ATP2B3: variants seen among roughly 807,000 people sequenced by gnomAD.
ATP2B3 encodes ATPase plasma membrane Ca2+ transporting 3, also known as plasma membrane calcium-transporting ATPase 3.
In ATP2B3, 12 loss-of-function variants were observed where a neutral mutation model predicts 70.8. The ratio of observed to expected loss-of-function variants is 0.17; its 90% CI spans 0.11 to 0.27. ATP2B3 has a LOEUF of 0.27. ATP2B3 is among the 10% of genes least tolerant of loss of function. The pLI is 1.00. For missense variants in ATP2B3, 858 were observed against 1,118.5 expected (o/e 0.77, Z 3.32); for synonymous variants, 460 against 497.8 (o/e 0.92, Z 1.01).
intron 19 of ATP2B3, 40 bp from the exon 20 acceptor site, chrX:153,562,095 C>A (rs782046076): frequency 1.7e-6 from 2 of 1,164,543 alleles, no homozygotes; most frequent in Admixed American, 4.3e-5. Context: ...GGCTCAGGAG[C>A]CGCGGCTGGA....
At chrX:153,537,155 A>C (rs1286912535) in intron 3 of ATP2B3, among the ~76,000 whole-genome samples, 2 of 113,332 alleles carry the variant, frequency 1.8e-5, no homozygotes, top group Non-Finnish European at 3.7e-5. Flanking sequence ...TGTGGGAGGC[A>C]ATGTTCCACC....
At chrX:153,542,560 T>C in intron 6 of ATP2B3, 112 bp downstream of exon 6, 1 of 1,012,185 alleles carries the variant, frequency 9.9e-7, no homozygotes, top group Non-Finnish European at 1.3e-6. Context: ...ACCAGGGCCT[T>C]CCAGCATAAC....
In ATP2B3 at chrX:153,562,180, C is replaced by T; in HGVS notation, c.3097C>T (p.Leu1033=). ...CGGGAAGCCCTTCAGCTGCTCCCCA[C>T]TATCCACAGAACAGTGGCTCTGGTG... The part of the protein sequence containing the change: ...FGGKPFSCSP[L]STEQWLWCLF... Residue 1033 remains leucine (L), a synonymous_variant, in exon 20 of 22, where the codon CTA becomes TTA. Transcript: ENST00000263519. 1.6e-6 allele frequency: 2 copies of T among 1,212,382 alleles called. No individual in the cohort carries two copies. Among genetic ancestry groups the T allele is most frequent in the Non-Finnish European group, 2.2e-6 (2 of 895,605 alleles).
intron 21 of ATP2B3, chrX:153,569,851 C>G: frequency 1.0e-6 from 1 of 1,003,404 alleles, no homozygotes; most frequent in Admixed American, 2.4e-5. Context: ...GTCTTGCATT[C>G]CGCTCACCGT....
Position 153,580,404 on chromosome X carries a change from C to A in ATP2B3, c.*106C>A. On this transcript the variant is annotated 3_prime_UTR_variant, in exon 22 of 22. Coordinates refer to ENST00000263519, the MANE Select transcript of ATP2B3 (RefSeq NM_001001344.3). Reference sequence around the variant, plus strand: ...TATGGGGACCTGCACACCTGCAAAACGAGGGAACAACTAAGGTGGCTGAAG... The same window carrying A: ...TATGGGGACCTGCACACCTGCAAAAAGAGGGAACAACTAAGGTGGCTGAAG... 1 of 838,443 alleles carries A rather than the reference C, an allele frequency of 1.2e-6. No individual in the cohort carries two copies. The highest frequency in any genetic ancestry group is 1.7e-6 in the Non-Finnish European group (1 of 603,881). 69.1% of individuals were successfully genotyped at this position (838,443 alleles called of 1,213,427 possible). A position where few individuals can be genotyped will look rare whatever the true frequency, so the allele number is the denominator to read the frequency against.
At chrX:153,552,392 C>T (rs2090470508) in intron 12 of ATP2B3, among the ~76,000 whole-genome samples, 1 of 112,305 alleles carries the variant, frequency 8.9e-6, no homozygotes, top group Non-Finnish European at 1.9e-5. Context: ...CTCACAGCCC[C>T]ACTGGCTTCT....
intron 3 of ATP2B3, among the ~76,000 whole-genome samples, chrX:153,539,201 C>G (rs1300269478): frequency 1.8e-5 from 2 of 112,634 alleles, no homozygotes; most frequent in African/African-American, 6.4e-5. Flanking sequence ...GAGGTGCACA[C>G]CCCTCAGTTG....
chrX:153,550,761 G>A (rs2285038), intron 12 of ATP2B3, among the ~76,000 whole-genome samples: 50,497 of 110,359 alleles, frequency 0.46, 9,195 homozygotes, highest in South Asian at 0.65. Flanking sequence ...CACGCCCAGC[G>A]AATTTTCAAA....
chrX:153,555,602 C>T (rs1404164597), intron 13 of ATP2B3, among the ~76,000 whole-genome samples: 3 of 111,980 alleles, frequency 2.7e-5, no homozygotes, highest in Non-Finnish European at 5.6e-5. Context: ...ACAATGCCAC[C>T]ACCTCCCGGC....
At chrX:153,575,023 C>T in intron 21 of ATP2B3, 1 of 254,124 alleles carries the variant, frequency 3.9e-6, no homozygotes, top group East Asian at 1.1e-4. Context: ...CTGCCCGGGA[C>T]AGCCTCTCTA....
At chrX:153,554,458 G>C (rs1398749433) in intron 13 of ATP2B3, among the ~76,000 whole-genome samples, 2 of 113,022 alleles carry the variant, frequency 1.8e-5, no homozygotes, top group Non-Finnish European at 3.8e-5. Context: ...CTCCTTTCCA[G>C]CTTAAGAGTG....
chrX:153,536,578 C>A, intron 3 of ATP2B3, 123 bp downstream of exon 3: 3 of 782,859 alleles, frequency 3.8e-6, no homozygotes, highest in Non-Finnish European at 5.6e-6. Flanking sequence ...CTCCTCTCAG[C>A]CATTTCCCTT....
At chrX:153,557,470 C>T (rs1314262001) in intron 16 of ATP2B3, among the ~76,000 whole-genome samples, 1 of 112,396 alleles carries the variant, frequency 8.9e-6, no homozygotes, top group Non-Finnish European at 1.9e-5. Flanking sequence ...TCAGTGGCCC[C>T]ACAGCCACTG....
chrX:153,562,275 G>A, intron 20 of ATP2B3, 33 bp downstream of exon 20: 1 of 1,159,932 alleles, frequency 8.6e-7, no homozygotes, highest in Non-Finnish European at 1.2e-6. Context: ...ATTTCAGACT[G>A]CCCTGCAGAC....
rs782674402 is a variant in ATP2B3, at chrX:153,553,054, A to T, written c.1843A>T (p.Ser615Cys). ...LLKKCTNILN[S>C]NGELRGFRPR... The stretch of plus-strand genomic sequence containing the variant: ...GCCTAGGTGCACCAACATCTTGAAC[A>T]GCAATGGCGAACTCCGGGGCTTTCG... The change falls in exon 13 of 22, where the codon AGC becomes TGC. Residue 615 changes from serine (S) to cysteine (C), a missense_variant. Coordinates refer to ENST00000263519, the MANE Select transcript of ATP2B3 (RefSeq NM_001001344.3). 1 of 1,206,716 alleles carries T rather than the reference A, an allele frequency of 8.3e-7. No individual in the cohort carries two copies. Among genetic ancestry groups the T allele is most frequent in the South Asian group, 1.8e-5 (1 of 56,786 alleles).
At position 153,553,195 on chromosome X, in the gene ATP2B3, G is replaced by T. The variant is rs782456914; in HGVS notation, c.1984G>T (p.Asp662Tyr). 7 of 1,211,884 alleles carry T rather than the reference G, an allele frequency of 5.8e-6. 1 individual carries two copies. In the South Asian group the frequency reaches 1.2e-4, roughly 21 times the overall value. Residue 662 changes from aspartate (D) to tyrosine (Y), a missense_variant, in exon 13 of 22, where the codon GAC becomes TAC. Physicochemically the swap from Asp to Tyr is radical, Grantham distance 160. Transcript: ENST00000263519. The part of the protein sequence containing the change: ...DFSAGQEPDW[D>Y]NENEVVGDLT... ...CTCTGCAGGCCAGGAGCCCGACTGG[G>T]ACAACGAGAATGAGGTCGTGGGTGA...
intron 19 of ATP2B3, 147 bp from the exon 20 acceptor site, chrX:153,561,988 C>T (rs781830564): frequency 9.9e-5 from 54 of 546,354 alleles, no homozygotes; most frequent in Non-Finnish European, 1.4e-4. Flanking sequence ...TCTGTCATCA[C>T]GCCCCCGGCC....
In ATP2B3 at chrX:153,536,188, C is replaced by A. The variant is rs782207169; in HGVS notation, c.-60C>A. On this transcript the variant is annotated 5_prime_UTR_variant, in exon 3 of 22. Transcript: ENST00000263519. ...CCTGGGCACTGGGACCGTGGGTGGC[C>A]GCCTGTCCCTAGCTGTGGCTGAGCC... The A allele has an allele frequency of 1.2e-5, 14 of 1,151,784 alleles. No individual in the cohort carries two copies. In the Admixed American group the frequency reaches 3.3e-4, roughly 28 times the overall value. The allele number at this position is 1,151,784 out of a possible 1,213,427, so 94.9% of individuals were successfully genotyped here.
In ATP2B3 at chrX:153,559,897, C is replaced by T; in HGVS notation, c.2794C>T (p.His932Tyr). ...SRTMMKNILGHAVYQLAIIFT... is the reference protein window; with the variant it reads ...SRTMMKNILGYAVYQLAIIFT... Reference sequence around the variant, plus strand: ...CACCATGATGAAGAACATTCTGGGCCACGCCGTGTACCAGCTCGCCATCAT... The same window carrying T: ...CACCATGATGAAGAACATTCTGGGCTACGCCGTGTACCAGCTCGCCATCAT... The change falls in exon 18 of 22, where the codon CAC (histidine) becomes TAC (tyrosine). Residue 932 changes from histidine to tyrosine, a missense_variant. His to Tyr is a moderately conservative substitution (Grantham distance 83). Around this residue, in one of 5 missense-constraint regions of ATP2B3, gnomAD observed 265 missense variants for 305.3 expected, o/e 0.87. Transcript: ENST00000263519. 1 of 1,211,977 alleles carries T rather than the reference C, an allele frequency of 8.3e-7. No homozygotes were observed. Among genetic ancestry groups the T allele is most frequent in the South Asian group, 1.8e-5 (1 of 56,996 alleles).
Sources: gnomAD v4.1 joint callset for allele counts (sites outside exome capture counted in the v4.1 genomes callset) on GRCh38, gnomAD v4.1.1 for gene constraint, gnomAD v4.1.1 regional missense constraint, MANE v1.5 for transcripts, NCBI Gene and HGNC (gene_info 2026-07-23, HGNC 2026-07-21) for gene names.